GRIK2: variants seen among roughly 807,000 people sequenced by gnomAD.
The protein encoded by GRIK2 is glutamate ionotropic receptor kainate type subunit 2.
A neutral mutation model predicts 100.3 loss-of-function variants in GRIK2; 32 were observed. That is an observed-to-expected ratio of 0.32 (90% CI 0.24 to 0.43). The LOEUF (loss-of-function observed/expected upper bound fraction) is 0.43. GRIK2 is among the 20% of genes least tolerant of loss of function. GRIK2 has a pLI of 1.00. For synonymous variants in GRIK2, 417 were observed against 389.4 expected (o/e 1.07, Z -0.83); for missense variants, 843 against 1,114.9 (o/e 0.76, Z 3.47).
Position 101,686,300 on chromosome 6 carries a change from C to A in GRIK2, c.898C>A (p.Arg300=). The A allele has an allele frequency of 6.2e-7, 1 of 1,613,242 alleles. No homozygotes were observed. The highest frequency in any genetic ancestry group is 8.5e-7 in the Non-Finnish European group (1 of 1,179,352). Residue 300 remains arginine (R), a synonymous_variant, in exon 7 of 17, where the codon CGA becomes AGA. Transcript: ENST00000369134. ...SSIIEKWSME[R]LQAPPKPDSG... ...CATCATTGAAAAGTGGTCGATGGAA[C>A]GATTGCAGGCACCTCCGAAACCCGA...
intron 2 of GRIK2, among the ~76,000 whole-genome samples, chr6:101,412,857 A>T (rs1268713271): frequency 6.6e-6 from 1 of 152,022 alleles, no homozygotes; most frequent in East Asian, 1.9e-4. Flanking sequence ...AAATTGATAT[A>T]CGTAAATGTA....
chr6:101,563,512 T>G (rs1777120377), intron 2 of GRIK2, among the ~76,000 whole-genome samples: 1 of 152,192 alleles, frequency 6.6e-6, no homozygotes, highest in Non-Finnish European at 1.5e-5. Context: ...ACTTAGGTAC[T>G]TACATAATTA....
intron 14 of GRIK2, among the ~76,000 whole-genome samples, chr6:102,013,475 AT>A (rs1795658674): frequency 6.6e-6 from 1 of 152,076 alleles, no homozygotes; most frequent in Non-Finnish European, 1.5e-5. Context: ...ACTATTTTGA[AT>A]AGGAGTGGTG....
At chr6:101,820,795 C>T (rs1200590171) in intron 10 of GRIK2, among the ~76,000 whole-genome samples, 1 of 152,140 alleles carries the variant, frequency 6.6e-6, no homozygotes, top group Non-Finnish European at 1.5e-5. Flanking sequence ...TTTCTTGTAT[C>T]CATCTCAAAT....
intron 14 of GRIK2, among the ~76,000 whole-genome samples, chr6:101,967,532 C>G (rs534750997): frequency 7.9e-5 from 12 of 152,066 alleles, no homozygotes; most frequent in Admixed American, 2.6e-4. Flanking sequence ...AAGTGAAGAC[C>G]TTTCTCAATT....
At chr6:101,440,849 C>G (rs569397620) in intron 2 of GRIK2, among the ~76,000 whole-genome samples, 4 of 151,750 alleles carry the variant, frequency 2.6e-5, no homozygotes, top group African/African-American at 9.7e-5. Flanking sequence ...AAAAACTCCT[C>G]AGCCTCCTTG....
intron 11 of GRIK2, among the ~76,000 whole-genome samples, chr6:101,884,327 T>G (rs1272497276): frequency 6.6e-6 from 1 of 152,144 alleles, no homozygotes; most frequent in Non-Finnish European, 1.5e-5. Flanking sequence ...AACAACATCA[T>G]GGAAAAGAAA....
chr6:101,554,767 A>G (rs1479256313), intron 2 of GRIK2, among the ~76,000 whole-genome samples: 1 of 152,114 alleles, frequency 6.6e-6, no homozygotes, highest in Non-Finnish European at 1.5e-5. Flanking sequence ...CCTAGTTCTG[A>G]GTATGTTCTT....
chr6:101,408,872 A>G (rs1441810669), intron 2 of GRIK2, among the ~76,000 whole-genome samples: 1 of 152,112 alleles, frequency 6.6e-6, no homozygotes, highest in Non-Finnish European at 1.5e-5. Flanking sequence ...ATTAAACATC[A>G]CCCAGATAAT....
At chr6:101,794,335 C>T (rs1017397573) in intron 7 of GRIK2, among the ~76,000 whole-genome samples, 3 of 152,002 alleles carry the variant, frequency 2.0e-5, no homozygotes, top group Admixed American at 6.6e-5. Context: ...CGGAGCTGTT[C>T]CTATTCGGTC....
chr6:101,635,540 A>G (rs975674223), intron 4 of GRIK2, among the ~76,000 whole-genome samples: 2 of 152,162 alleles, frequency 1.3e-5, no homozygotes, highest in Non-Finnish European at 2.9e-5. Context: ...CTGCACAGCA[A>G]AAGAAACTAT....
At chr6:101,874,449 G>C (rs1202891892) in intron 11 of GRIK2, among the ~76,000 whole-genome samples, 2 of 152,056 alleles carry the variant, frequency 1.3e-5, no homozygotes, top group Non-Finnish European at 2.9e-5. Context: ...CTGTTCCATT[G>C]GTCTATATCT....
intron 14 of GRIK2, among the ~76,000 whole-genome samples, chr6:102,022,158 A>G (rs1769461379): frequency 6.6e-6 from 1 of 151,184 alleles, no homozygotes; most frequent in African/African-American, 2.4e-5. Context: ...ACACACACAC[A>G]CACACACAAC....
chr6:101,433,297 A>G (rs983614870), intron 2 of GRIK2, among the ~76,000 whole-genome samples: 1 of 152,226 alleles, frequency 6.6e-6, no homozygotes, highest in Admixed American at 6.5e-5. Flanking sequence ...TTCTGGCAGG[A>G]CTGAATCAAC....
chr6:101,935,296 T>G (rs2128473885), intron 14 of GRIK2, among the ~76,000 whole-genome samples: 1 of 152,078 alleles, frequency 6.6e-6, no homozygotes, highest in South Asian at 2.1e-4. Flanking sequence ...CACATAGCTT[T>G]TTCTCATGTC....
chr6:101,806,146 C>T (rs1780991386), intron 9 of GRIK2, among the ~76,000 whole-genome samples: 1 of 151,858 alleles, frequency 6.6e-6, no homozygotes, highest in Non-Finnish European at 1.5e-5. Context: ...GAGGGGAGGG[C>T]AAGAAGGGGG....
chr6:102,017,076 T>C (rs1769153858), intron 14 of GRIK2, among the ~76,000 whole-genome samples: 1 of 152,138 alleles, frequency 6.6e-6, no homozygotes, highest in Non-Finnish European at 1.5e-5. Context: ...AAGCAAGTTC[T>C]GAGGGAATTC....
chr6:101,449,402 G>A (rs1009529241), intron 2 of GRIK2, among the ~76,000 whole-genome samples: 1 of 151,598 alleles, frequency 6.6e-6, no homozygotes, highest in Non-Finnish European at 1.5e-5. Flanking sequence ...CCAATGTGAA[G>A]CACTCAGCAG....
At chr6:101,668,402 C>A (rs575278750) in intron 4 of GRIK2, among the ~76,000 whole-genome samples, 6 of 152,242 alleles carry the variant, frequency 3.9e-5, no homozygotes, top group African/African-American at 1.4e-4. Flanking sequence ...AGTTAGCTCT[C>A]TTCTCTATTT....
Sources: allele counts gnomAD v4.1 joint callset (sites outside exome capture counted in the v4.1 genomes callset), GRCh38; gene constraint gnomAD v4.1.1; transcripts MANE v1.5; gene names NCBI Gene and HGNC (gene_info 2026-07-23, HGNC 2026-07-21).